CACNA1A: variants seen among roughly 807,000 people sequenced by gnomAD.
The protein encoded by CACNA1A is voltage-dependent P/Q-type calcium channel subunit alpha-1A.
In CACNA1A, 57 loss-of-function variants were observed where a neutral mutation model predicts 262.4. The observed-to-expected ratio is 0.22, with a 90% CI of 0.18 to 0.27. CACNA1A has a LOEUF of 0.27. Ranked by LOEUF, CACNA1A falls within the 10% of genes least tolerant of loss-of-function variation. The probability of loss-of-function intolerance (pLI) is 1.00; values close to 1 mark genes in which losing one functional copy is unlikely to be tolerated. For missense variants in CACNA1A, 2,526 were observed against 3,562.8 expected, an observed-to-expected ratio of 0.71 and a Z score of 7.41; for synonymous variants, 1,431 against 1,419.3, an observed-to-expected ratio of 1.01 and a Z score of -0.18.
chr19:13,404,175 T>C (rs1167070184), intron 3 of CACNA1A, among the ~76,000 whole-genome samples: 3 of 149,022 alleles, frequency 2.0e-5, no homozygotes, highest in Admixed American at 6.6e-5. Flanking sequence ...TGTGCATATA[T>C]ATATATACAC....
intron 3 of CACNA1A, among the ~76,000 whole-genome samples, chr19:13,446,577 G>T (rs2060817709): frequency 6.7e-6 from 1 of 149,092 alleles, no homozygotes; most frequent in Admixed American, 6.7e-5. Flanking sequence ...AAATAACTGG[G>T]ATTACCAGTG....
chr19:13,212,637 C>G lies in CACNA1A; in HGVS notation c.6044G>C (p.Gly2015Ala), dbSNP rs772988279. Residue 2015 changes from glycine (G) to alanine (A), a missense_variant, in exon 41 of 47, where the codon GGA becomes GCA. Around this residue, in one of 17 missense-constraint regions of CACNA1A, gnomAD observed 929 missense variants for 868.1 expected, o/e 1.07. Coordinates refer to ENST00000360228, the MANE Select transcript of CACNA1A (RefSeq NM_001127222.2). The surrounding 1 kb of genome is among the most constrained non-coding windows in gnomAD (Gnocchi z 5.6). ...TGGCAGGGGTGACACTCACAGGGCTCCTCCTGGGTCCAGCTGGGTGGAGGG... is the reference window on the plus strand; with the variant it reads ...TGGCAGGGGTGACACTCACAGGGCTGCTCCTGGGTCCAGCTGGGTGGAGGG... ...ALPSTQLDPGGALMAHESGLK... is the reference protein window; with the variant it reads ...ALPSTQLDPGAALMAHESGLK... 1.3e-6 allele frequency: 2 copies of G among 1,518,898 alleles called. No individual in the cohort carries two copies. The highest frequency in any genetic ancestry group is 2.6e-5 in the South Asian group (2 of 76,420). 94.1% of individuals were successfully genotyped at this position (1,518,898 alleles called of 1,614,324 possible).
intron 40 of CACNA1A, among the ~76,000 whole-genome samples, chr19:13,213,068 T>C (rs1388348860): frequency 6.6e-6 from 1 of 152,046 alleles, no homozygotes; most frequent in Non-Finnish European, 1.5e-5. Context: ...TATCCCTCCT[T>C]TGCTTAGAAC....
intron 10 of CACNA1A, among the ~76,000 whole-genome samples, chr19:13,328,353 G>A (rs540399877): frequency 3.9e-5 from 6 of 152,310 alleles, no homozygotes; most frequent in South Asian, 2.1e-4. Flanking sequence ...AGCAGAATGA[G>A]TTCTCCATTA....
intron 6 of CACNA1A, among the ~76,000 whole-genome samples, chr19:13,346,742 C>T (rs1480784176): frequency 8.3e-5 from 10 of 121,060 alleles, no homozygotes; most frequent in East Asian, 5.5e-4. Flanking sequence ...TGCAGTGGCA[C>T]GATCTCGGCT....
chr19:13,452,734 G>A, intron 3 of CACNA1A, 142 bp downstream of exon 3: 1 of 698,112 alleles, frequency 1.4e-6, no homozygotes, highest in Non-Finnish European at 2.5e-6. Context: ...GTGGGGTGTT[G>A]GCAGAAAGGA....
At chr19:13,378,396 A>C (rs1815134428) in intron 3 of CACNA1A, among the ~76,000 whole-genome samples, 1 of 152,202 alleles carries the variant, frequency 6.6e-6, no homozygotes. Context: ...ATTTTGAAAA[A>C]AGTTCTACTG....
chr19:13,375,854 G>A lies in CACNA1A; in HGVS notation c.540-4075C>T, dbSNP rs2059396056. ...GGTTAGCCAAGTTGTGAATGCAAAG[G>A]AAAAATTACTGAAGGAAATTAAAAG... On this transcript the variant is annotated intron_variant, in intron 3 of 46. Transcript: ENST00000360228. 2.0e-5 allele frequency among the ~76,000 whole-genome samples: 3 copies of A among 152,230 alleles called. No individual in the cohort carries two copies. The South Asian group carries it at 6.2e-4, about 32-fold the overall frequency.
At chr19:13,464,587 C>A (rs568247781) in intron 1 of CACNA1A, among the ~76,000 whole-genome samples, 1 of 134,290 alleles carries the variant, frequency 7.4e-6, no homozygotes, top group African/African-American at 3.0e-5. Flanking sequence ...CTTGCTCTTT[C>A]GCCCAGGCCA....
intron 30 of CACNA1A, among the ~76,000 whole-genome samples, chr19:13,247,731 A>AATAAATAC (rs2056286626): frequency 6.6e-6 from 1 of 151,654 alleles, no homozygotes; most frequent in Admixed American, 6.6e-5. Context: ...TAAATAAATA[A>AATAAATAC]ATAAATAAAT....
rs747730451 is a variant in CACNA1A, at chr19:13,307,818, G to A, written c.1950C>T (p.Phe650=). Residue 650 remains phenylalanine, a synonymous_variant, in exon 15 of 47, where the codon TTC becomes TTT. Coordinates refer to ENST00000360228, the MANE Select transcript of CACNA1A (RefSeq NM_001127222.2). ...NFDEGTPPTN[F]DTFPAAIMTV... is the part of the protein sequence containing the mutation. ...TCATTATTGCTGCTGGAAAAGTATCGAAGTTGGTGGGAGGAGTCCCTTCAT... is the reference window on the plus strand; with the variant it reads ...TCATTATTGCTGCTGGAAAAGTATCAAAGTTGGTGGGAGGAGTCCCTTCAT... 2 of 1,614,006 alleles carry A rather than the reference G, an allele frequency of 1.2e-6. No individual in the cohort carries two copies. The highest frequency in any genetic ancestry group is 2.2e-5 in the South Asian group (2 of 91,084).
chr19:13,308,865 A>T lies in CACNA1A; in HGVS notation c.1669-337T>A, dbSNP rs1383955728. On this transcript the variant is annotated intron_variant, in intron 12 of 46. Transcript: ENST00000360228. The surrounding 1 kb of genome is among the most constrained non-coding windows in gnomAD (Gnocchi z 4.2). ...CTAATTTTAAAACATTTTTATAGAG[A>T]TAGTGTCTCGCTAGTATTGCCCAGG... is the stretch of plus-strand genomic sequence containing the variant. 2 of 179,364 alleles carry T rather than the reference A, an allele frequency of 1.1e-5. No homozygotes were observed. The highest frequency in any genetic ancestry group is 2.3e-5 in the Non-Finnish European group (2 of 85,788). The allele number at this position is 179,364 out of a possible 1,614,324, so 11.1% of individuals were successfully genotyped here.
intron 31 of CACNA1A, chr19:13,243,951 C>G (rs1007242415): frequency 6.6e-6 from 1 of 152,446 alleles, no homozygotes; most frequent in Admixed American, 6.5e-5. Context: ...CCTGCCTGCT[C>G]TGAGCATCAT....
chr19:13,445,043 G>A (rs186396960), intron 3 of CACNA1A, among the ~76,000 whole-genome samples: 1 of 151,996 alleles, frequency 6.6e-6, no homozygotes, highest in East Asian at 1.9e-4. Context: ...AGAAGGCTGA[G>A]GCAGGAGAAT....
chr19:13,443,461 C>T (rs757007787), intron 3 of CACNA1A, among the ~76,000 whole-genome samples: 3 of 152,122 alleles, frequency 2.0e-5, no homozygotes, highest in Non-Finnish European at 4.4e-5. Flanking sequence ...CCTGCCTCAG[C>T]CTCCTCATTA....
Position 13,212,078 on chromosome 19 carries a change from C to T in CACNA1A, c.6303+25G>A, listed in dbSNP as rs758408703. ...CCAGTGCAGAGTGAGGGGTCCAGCC[C>T]CAGGGCAGTGGTGAAAGCCCTCACC... On this transcript the variant is annotated intron_variant, in intron 43 of 46. Coordinates refer to ENST00000360228, the MANE Select transcript of CACNA1A (RefSeq NM_001127222.2). This position sits in a 1 kb window ranked among gnomAD's most constrained non-coding sequence, Gnocchi z 5.6. The T allele has an allele frequency of 8.4e-6, 13 of 1,543,520 alleles. No individual in the cohort carries two copies. The African/African-American group carries it at 1.2e-4, about 15-fold the overall frequency.
intron 3 of CACNA1A, among the ~76,000 whole-genome samples, chr19:13,434,218 G>A (rs764418478): frequency 1.3e-5 from 2 of 152,076 alleles, no homozygotes; most frequent in Non-Finnish European, 2.9e-5. Context: ...GTGCAGTGGC[G>A]TGATCATAGC....
At chr19:13,462,724 C>G (rs1190168016) in intron 1 of CACNA1A, among the ~76,000 whole-genome samples, 1 of 152,182 alleles carries the variant, frequency 6.6e-6, no homozygotes, top group Non-Finnish European at 1.5e-5. Context: ...AGCTGGGGCT[C>G]ACACCCAGGT....
intron 38 of CACNA1A, among the ~76,000 whole-genome samples, chr19:13,222,061 C>T (rs1385321067): frequency 1.3e-5 from 2 of 151,986 alleles, no homozygotes; most frequent in African/African-American, 2.4e-5. Context: ...TACCCGCCAC[C>T]ACACCTGGCT....
Sources: allele counts gnomAD v4.1 joint callset (sites outside exome capture counted in the v4.1 genomes callset), GRCh38; gene constraint gnomAD v4.1.1; regional missense constraint gnomAD v4.1.1; non-coding constraint Gnocchi (gnomAD v3.1); transcripts MANE v1.5; gene names NCBI Gene and HGNC (gene_info 2026-07-23, HGNC 2026-07-21).